The following CNTNAP3B variants were observed in gnomAD, a reference collection of about 807,000 sequenced individuals.
The protein encoded by CNTNAP3B is contactin-associated protein-like 3B.
In CNTNAP3B, 25 loss-of-function variants were observed where a neutral mutation model predicts 108.9. The observed-to-expected ratio is 0.23, with a 90% CI of 0.17 to 0.32. The LOEUF is 0.32. Ranked by LOEUF, CNTNAP3B falls within the 10% of genes least tolerant of loss-of-function variation. The pLI, the probability that CNTNAP3B is intolerant of heterozygous loss-of-function variation, is 1.00. For missense variants in CNTNAP3B, 252 were observed against 1,210.4 expected (o/e 0.21, Z 11.75); for synonymous variants, 103 against 473.4 (o/e 0.22, Z 10.16).
intron 3 of CNTNAP3B, among the ~76,000 whole-genome samples, chr9:42,047,738 C>T (rs1377547675): frequency 1.1e-5 from 1 of 93,402 alleles, no homozygotes; most frequent in East Asian, 3.9e-4. Context: ...CCCTGCCCCT[C>T]GCCCCTCTCA....
chr9:41,986,140 C>T lies in CNTNAP3B; in HGVS notation c.1477+28G>A. 2.6e-6 allele frequency: 3 copies of T among 1,137,584 alleles called. 1 individual carries two copies. The South Asian group carries it at 4.3e-5, about 16-fold the overall frequency. The allele number at this position is 1,137,584 out of a possible 1,614,324, so 70.5% of individuals were successfully genotyped here. The stretch of plus-strand genomic sequence containing the variant: ...ATAAAGATAAAAAGTGGTTCCACTG[C>T]CAGTGTCATTCAGTTGCCTTCTCTT... On this transcript the variant is annotated intron_variant, in intron 9 of 23. Transcript: ENST00000377561.
intron 12 of CNTNAP3B, chr9:41,960,383 C>T (rs1825041417): frequency 5.9e-6 from 1 of 168,218 alleles, no homozygotes. Context: ...ATAAAAATCA[C>T]TAAATTATTT....
rs562985205 is a variant in CNTNAP3B at position 41,950,121 on chromosome 9, G to A, written c.2080+3062C>T. Among the ~76,000 whole-genome samples, 226 of 104,024 alleles carry A rather than the reference G, an allele frequency of 2.2e-3. 12 individuals are homozygous for A. The highest frequency in any genetic ancestry group is 4.5e-3 in the Middle Eastern group (1 of 220). The allele number at this position is 104,024 out of a possible 152,430, so 68.2% of individuals were successfully genotyped here. On this transcript the variant is annotated intron_variant, in intron 13 of 23. Transcript: ENST00000377561. Reference sequence around the variant, plus strand: ...TCTCACTGAAAACGATATACAGATGGCAAATAAGCATATAAAACATGCTCA... The same window carrying A: ...TCTCACTGAAAACGATATACAGATGACAAATAAGCATATAAAACATGCTCA...
chr9:41,933,373 C>T (rs1193194670), intron 14 of CNTNAP3B, among the ~76,000 whole-genome samples: 10 of 152,370 alleles, frequency 6.6e-5, no homozygotes, highest in South Asian at 2.1e-4. Flanking sequence ...AAATCACCCC[C>T]GATTGAGAAC....
chr9:42,090,888 C>A (rs1393868123), intron 2 of CNTNAP3B, among the ~76,000 whole-genome samples: 1 of 87,038 alleles, frequency 1.1e-5, no homozygotes, highest in Non-Finnish European at 2.3e-5. Context: ...TTCAGGAAAA[C>A]TGGTGCCATT....
chr9:41,967,553 T>TAAC (rs1162159586), intron 10 of CNTNAP3B, among the ~76,000 whole-genome samples: 103 of 152,360 alleles, frequency 6.8e-4, no homozygotes, highest in African/African-American at 2.5e-3. Flanking sequence ...GTTTGTTTGT[T>TAAC]AACAACAACA....
intron 2 of CNTNAP3B, among the ~76,000 whole-genome samples, chr9:42,086,547 C>A (rs1320225398): frequency 8.0e-6 from 1 of 125,634 alleles, no homozygotes; most frequent in Non-Finnish European, 1.6e-5. Flanking sequence ...CAGGTTCAAG[C>A]GATTCTCCTG....
At chr9:42,066,208 A>T (rs1380386778) in intron 3 of CNTNAP3B, among the ~76,000 whole-genome samples, 1 of 137,102 alleles carries the variant, frequency 7.3e-6, no homozygotes, top group East Asian at 2.2e-4. Flanking sequence ...ATCTCCTTAT[A>T]TACCTCATAG....
intron 12 of CNTNAP3B, among the ~76,000 whole-genome samples, chr9:41,954,570 T>G (rs1824798112): frequency 6.6e-6 from 1 of 152,286 alleles, no homozygotes. Flanking sequence ...TAAATTAAAT[T>G]ATCACTCCAC....
chr9:42,098,266 G>A lies in CNTNAP3B; in HGVS notation c.196+6363C>T, dbSNP rs1827950147. Among the ~76,000 whole-genome samples the A allele has an allele frequency of 1.5e-5, 2 of 132,072 alleles. 1 individual carries two copies. Among genetic ancestry groups the A allele is most frequent in the Non-Finnish European group, 3.2e-5 (2 of 62,760 alleles). The allele number at this position is 132,072 out of a possible 152,430, so 86.6% of individuals were successfully genotyped here. On this transcript the variant is annotated intron_variant, in intron 2 of 23. Transcript: ENST00000377561. Reference sequence around the variant, plus strand: ...CTGACACTGGAATGTATCCTCTGTAGTTTTATTCCATGAAAAAGATAACTA... The same window carrying A: ...CTGACACTGGAATGTATCCTCTGTAATTTTATTCCATGAAAAAGATAACTA...
chr9:42,112,868 GTT>G (rs61267342), intron 1 of CNTNAP3B, among the ~76,000 whole-genome samples: 5 of 95,510 alleles, frequency 5.2e-5, no homozygotes, highest in Admixed American at 1.1e-4. Context: ...AGTTTACAGA[GTT>G]TTTTTTTTTT....
chr9:41,919,552 T>A (rs1323165976), intron 18 of CNTNAP3B, among the ~76,000 whole-genome samples: 50 of 152,254 alleles, frequency 3.3e-4, no homozygotes, highest in African/African-American at 1.2e-3. Flanking sequence ...AATATTCTTT[T>A]CCCCTTCTAG....
chr9:41,942,018 G>C (rs1383125960), intron 13 of CNTNAP3B, among the ~76,000 whole-genome samples: 15 of 152,300 alleles, frequency 9.8e-5, no homozygotes, highest in Admixed American at 9.2e-4. Context: ...CAAAAAGCTA[G>C]TTTACTAGAG....
chr9:42,076,304 T>C (rs1827487980), intron 3 of CNTNAP3B, among the ~76,000 whole-genome samples: 1 of 125,526 alleles, frequency 8.0e-6, no homozygotes, highest in South Asian at 2.6e-4. Context: ...CACATGCCTG[T>C]AGTCCCAGCT....
chr9:41,977,639 A>T (rs1234453984), intron 9 of CNTNAP3B, among the ~76,000 whole-genome samples: 1 of 122,098 alleles, frequency 8.2e-6, no homozygotes, highest in Non-Finnish European at 1.7e-5. Flanking sequence ...TTTTTTTGAG[A>T]CGGCGTCTCA....
chr9:41,918,637 G>T (rs1446499816), intron 18 of CNTNAP3B, among the ~76,000 whole-genome samples: 5 of 141,218 alleles, frequency 3.5e-5, no homozygotes, highest in Non-Finnish European at 6.1e-5. Flanking sequence ...CCAGCCACTG[G>T]AGGACCATTT....
chr9:41,995,906 G>A (rs1421275778), intron 7 of CNTNAP3B, among the ~76,000 whole-genome samples: 3 of 143,908 alleles, frequency 2.1e-5, no homozygotes, highest in Non-Finnish European at 4.6e-5. Flanking sequence ...CATGGTGGCG[G>A]GCGCCTGTAA....
At chr9:42,007,604 TAAAG>T (rs1826091100) in intron 4 of CNTNAP3B, among the ~76,000 whole-genome samples, 1 of 128,720 alleles carries the variant, frequency 7.8e-6, no homozygotes, top group Admixed American at 8.1e-5. Context: ...GTTTAAATAA[TAAAG>T]AAAGAGTCCT....
intron 1 of CNTNAP3B, among the ~76,000 whole-genome samples, chr9:42,117,558 C>A (rs1564199933): frequency 7.2e-6 from 1 of 139,696 alleles, no homozygotes; most frequent in Non-Finnish European, 1.5e-5. Context: ...CACTAAATGC[C>A]CACAAAAGAA....
Sources: allele counts gnomAD v4.1 joint callset (sites outside exome capture counted in the v4.1 genomes callset), GRCh38; gene constraint gnomAD v4.1.1; transcripts MANE v1.5; gene names NCBI Gene and HGNC (gene_info 2026-07-23, HGNC 2026-07-21).